The following SRRM1 variants were observed in gnomAD, a reference collection of about 807,000 sequenced individuals.
SRRM1 encodes serine and arginine repetitive matrix 1.
Under a neutral mutation model 110.2 loss-of-function variants are expected in SRRM1, and 19 were observed. The observed-to-expected ratio is 0.17, with a 90% CI of 0.12 to 0.25. The LOEUF is 0.25. SRRM1 is among the 10% of genes least tolerant of loss of function. The pLI is 1.00. For missense variants in SRRM1, 918 were observed against 1,145.8 expected (o/e 0.80, Z 2.87); for synonymous variants, 443 against 414.9 (o/e 1.07, Z -0.82).
intron 14 of SRRM1, 49 bp downstream of exon 14, chr1:24,669,636 A>G (rs1671730307): frequency 7.2e-7 from 1 of 1,392,216 alleles, no homozygotes; most frequent in Non-Finnish European, 9.7e-7. Flanking sequence ...ATAGCTGTTT[A>G]TATTTGGAAG....
At chr1:24,667,243 G>C (rs1335818733) in intron 13 of SRRM1, among the ~76,000 whole-genome samples, 2 of 152,066 alleles carry the variant, frequency 1.3e-5, no homozygotes, top group Non-Finnish European at 2.9e-5. Flanking sequence ...GTGGACATGG[G>C]GATGGTAATA....
At chr1:24,668,241 G>C (rs191420303) in intron 13 of SRRM1, among the ~76,000 whole-genome samples, 150 of 152,100 alleles carry the variant, frequency 9.9e-4, no homozygotes, top group African/African-American at 3.3e-3. Context: ...GTGCTGGGAT[G>C]ACAGGTGTGA....
chr1:24,657,172 C>T (rs1459365474), intron 9 of SRRM1, among the ~76,000 whole-genome samples: 2 of 152,306 alleles, frequency 1.3e-5, no homozygotes, highest in South Asian at 2.1e-4. Context: ...CCTCCAACCC[C>T]TGGGATTACA....
rs1275267530 is a variant in SRRM1 at position 24,652,990 on chromosome 1, C to T, written c.998C>T (p.Pro333Leu). 5.0e-6 allele frequency: 8 copies of T among 1,613,926 alleles called. No homozygotes were observed. Among genetic ancestry groups the T allele is most frequent in the Non-Finnish European group, 6.8e-6 (8 of 1,179,906 alleles). ...PRRRTPPRRM[P>L]PPPRHRRSRS... ...AGAAGAACTCCGCCAAGAAGAATGC[C>T]TCCTCCACCAAGGCATAGAAGGAGT... is the stretch of plus-strand genomic sequence containing the variant. Residue 333 changes from proline (P) to leucine (L), a missense_variant, in exon 8 of 17, where the codon CCT becomes CTT. Coordinates refer to ENST00000323848, the MANE Select transcript of SRRM1 (RefSeq NM_005839.4).
intron 12 of SRRM1, chr1:24,663,101 T>TC: frequency 7.9e-7 from 1 of 1,265,162 alleles, no homozygotes; most frequent in East Asian, 2.6e-5. Context: ...TAAAAATGTC[T>TC]CCATTAATGG....
At chr1:24,659,592 G>C (rs925321423) in intron 9 of SRRM1, among the ~76,000 whole-genome samples, 20 of 152,220 alleles carry the variant, frequency 1.3e-4, no homozygotes, top group African/African-American at 4.8e-4. Context: ...AGCAGAGTTA[G>C]TTGTTGAGAT....
At chr1:24,654,409 A>C (rs1662806578) in intron 8 of SRRM1, 1 of 1,178,220 alleles carries the variant, frequency 8.5e-7, no homozygotes. Flanking sequence ...CCCTGCTTCT[A>C]AGTTTATGTA....
chr1:24,657,076 T>C (rs893595934), intron 9 of SRRM1, among the ~76,000 whole-genome samples: 1 of 151,976 alleles, frequency 6.6e-6, no homozygotes, highest in African/African-American at 2.4e-5. Context: ...GGAAATAACC[T>C]CTCCCCACCA....
chr1:24,662,360 T>G (rs948881531), intron 11 of SRRM1, among the ~76,000 whole-genome samples: 8 of 152,224 alleles, frequency 5.3e-5, no homozygotes, highest in African/African-American at 1.4e-4. Context: ...AAGCGGTCTT[T>G]CTGCCTTGGC....
At chr1:24,671,651 C>G (rs1553180859) in intron 16 of SRRM1, 56 bp downstream of exon 16, 1 of 1,477,376 alleles carries the variant, frequency 6.8e-7, no homozygotes, top group South Asian at 1.3e-5. Context: ...ATAGCAAAGT[C>G]ATTTTGTTTT....
At position 24,669,174 on chromosome 1, in the gene SRRM1, T is replaced by G; in HGVS notation, c.1791T>G (p.Ser597=). The G allele has an allele frequency of 6.2e-7, 1 of 1,613,748 alleles. No homozygotes were observed. The highest frequency in any genetic ancestry group is 8.5e-7 in the Non-Finnish European group (1 of 1,179,812). Residue 597 remains serine (S), a synonymous_variant, in exon 14 of 17, where the codon TCT becomes TCG. Transcript: ENST00000323848. ...RRRSPSPRRY[S]PPIQRRYSPS... is the part of the protein sequence containing the mutation. ...GCTCACCTTCTCCTAGAAGATACTCTCCTCCAATACAGAGGAGATACTCTC... is the reference window on the plus strand; with the variant it reads ...GCTCACCTTCTCCTAGAAGATACTCGCCTCCAATACAGAGGAGATACTCTC...
intron 13 of SRRM1, among the ~76,000 whole-genome samples, chr1:24,668,730 T>TA (rs2148751603): frequency 6.6e-6 from 1 of 152,318 alleles, no homozygotes; most frequent in African/African-American, 2.4e-5. Context: ...GTGACCATAA[T>TA]AGAGTTTTGC....
intron 16 of SRRM1, 83 bp from the exon 17 acceptor site, chr1:24,672,099 C>G: frequency 9.5e-7 from 1 of 1,056,366 alleles, no homozygotes; most frequent in Non-Finnish European, 1.4e-6. Flanking sequence ...TGATGTTCCC[C>G]TCCCACACTT....
chr1:24,657,931 A>C (rs558080213), intron 9 of SRRM1, among the ~76,000 whole-genome samples: 1 of 152,298 alleles, frequency 6.6e-6, no homozygotes, highest in African/African-American at 2.4e-5. Context: ...TATCTTTATA[A>C]GTGATCTTTT....
At chr1:24,660,494 A>C (rs1666611948) in intron 9 of SRRM1, among the ~76,000 whole-genome samples, 1 of 152,198 alleles carries the variant, frequency 6.6e-6, no homozygotes, top group Non-Finnish European at 1.5e-5. Context: ...AATAGCAGGA[A>C]GGCATCTTGG....
At chr1:24,653,167 C>A in intron 8 of SRRM1, 135 bp downstream of exon 8, 1 of 851,344 alleles carries the variant, frequency 1.2e-6, no homozygotes, top group East Asian at 3.1e-5. Flanking sequence ...TCTAAAGAGT[C>A]TGTTTCATTT....
At chr1:24,666,673 G>A in intron 12 of SRRM1, 142 bp from the exon 13 acceptor site, 1 of 604,114 alleles carries the variant, frequency 1.7e-6, no homozygotes, top group Non-Finnish European at 3.0e-6. Flanking sequence ...GCTGAGGGGG[G>A]AGAATTGCTT....
At position 24,655,007 on chromosome 1, in the gene SRRM1, G is replaced by A; in HGVS notation, c.1193G>A (p.Arg398Lys). Reference sequence around the variant, plus strand: ...CCTTCAGCAAGTCCTCCAAGGCGAAGGCACAGGCCATCACCTCCTGCAACT... The same window carrying A: ...CCTTCAGCAAGTCCTCCAAGGCGAAAGCACAGGCCATCACCTCCTGCAACT... Reference protein sequence around the residue: ...LSPSASPPRRRHRPSPPATPP... With the variant: ...LSPSASPPRRKHRPSPPATPP... The change falls in exon 9 of 17, where the codon AGG (arginine) becomes AAG (lysine). Residue 398 changes from arginine to lysine, a missense_variant. Physicochemically the swap from Arg to Lys is conservative, Grantham distance 26 (BLOSUM62 2). Coordinates refer to ENST00000323848, the MANE Select transcript of SRRM1 (RefSeq NM_005839.4). 6.2e-7 allele frequency: 1 copy of A among 1,614,144 alleles called. No individual in the cohort carries two copies. Among genetic ancestry groups the A allele is most frequent in the East Asian group, 2.2e-5 (1 of 44,888 alleles).
intron 14 of SRRM1, 33 bp downstream of exon 14, chr1:24,669,620 A>G: frequency 6.8e-7 from 1 of 1,464,178 alleles, no homozygotes; most frequent in East Asian, 2.5e-5. Flanking sequence ...CATTAGGAAT[A>G]CTTACATAGC....
Sources: allele counts gnomAD v4.1 joint callset (sites outside exome capture counted in the v4.1 genomes callset), GRCh38; gene constraint gnomAD v4.1.1; transcripts MANE v1.5; gene names NCBI Gene and HGNC (gene_info 2026-07-23, HGNC 2026-07-21).